Variants in COL4A3 observed in about 807,000 individuals in gnomAD.
COL4A3 encodes collagen alpha-3(IV) chain.
COL4A3 carries 135 observed loss-of-function variants against 217.4 expected under a neutral mutation model. The observed-to-expected ratio is 0.62, with a 90% CI of 0.54 to 0.72. The LOEUF is 0.72. Ranked by LOEUF, COL4A3 falls within the 30% of genes least tolerant of loss-of-function variation. COL4A3 has a pLI of 0.00. For missense variants in COL4A3, 1,868 were observed against 2,119.9 expected (o/e 0.88, Z 2.33); for synonymous variants, 690 against 736.3 (o/e 0.94, Z 1.02).
chr2:227,302,634 G>A (rs965073936), intron 43 of COL4A3, among the ~76,000 whole-genome samples: 3 of 128,392 alleles, frequency 2.3e-5, no homozygotes, highest in African/African-American at 6.2e-5. Flanking sequence ...CCAAGATCAT[G>A]CCACTGCACT....
chr2:227,276,536 T>C, intron 27 of COL4A3, 59 bp downstream of exon 27: 1 of 1,288,032 alleles, frequency 7.8e-7, no homozygotes, highest in Non-Finnish European at 1.1e-6. Context: ...ACCCTGACTC[T>C]CTTGGAAAAA....
At chr2:227,234,845 C>T (rs1455597668) in intron 1 of COL4A3, among the ~76,000 whole-genome samples, 3 of 152,224 alleles carry the variant, frequency 2.0e-5, no homozygotes, top group Non-Finnish European at 4.4e-5. Context: ...AAGGCCCCCA[C>T]ACCTTCTCAC....
rs940184066 is a variant in COL4A3, at chr2:227,250,814, G to A, written c.547-326G>A. 1.3e-5 allele frequency among the ~76,000 whole-genome samples: 2 copies of A among 152,100 alleles called. No homozygotes were observed. Among genetic ancestry groups the A allele is most frequent in the African/African-American group, 2.4e-5 (1 of 41,422 alleles). ...GGGAGAGCAGGTGGCAGGCCCTAAC[G>A]TAGGAGCATGCTTGGCCAAAATGAG... On this transcript the variant is annotated intron_variant, in intron 9 of 51. Coordinates refer to ENST00000396578, the MANE Select transcript of COL4A3 (RefSeq NM_000091.5). The surrounding 1 kb of genome is among the most constrained non-coding windows in gnomAD (Gnocchi z 4.1).
At chr2:227,263,398 A>C (rs1424650759) in intron 20 of COL4A3, among the ~76,000 whole-genome samples, 1 of 152,238 alleles carries the variant, frequency 6.6e-6, no homozygotes, top group Non-Finnish European at 1.5e-5. Flanking sequence ...AGTCCACTTA[A>C]CAACTTTCTC....
intron 1 of COL4A3, among the ~76,000 whole-genome samples, chr2:227,205,776 A>T (rs2067078917): frequency 6.6e-6 from 1 of 151,204 alleles, no homozygotes; most frequent in Admixed American, 6.6e-5. Flanking sequence ...TTTAAATATT[A>T]TTAAGACAGT....
chr2:227,200,787 G>A (rs2066654905), intron 1 of COL4A3, among the ~76,000 whole-genome samples: 1 of 152,124 alleles, frequency 6.6e-6, no homozygotes, highest in Non-Finnish European at 1.5e-5. Context: ...TTACATTAAA[G>A]TTTATGGCTT....
In COL4A3 at chr2:227,282,298, A is replaced by G. The variant is rs1011341355; in HGVS notation, c.2489-67A>G. The G allele has an allele frequency of 9.8e-6, 7 of 717,862 alleles. No individual in the cohort carries two copies. The highest frequency in any genetic ancestry group is 2.0e-5 in the African/African-American group (1 of 49,914). 44.5% of individuals were successfully genotyped at this position (717,862 alleles called of 1,614,324 possible). ...AAAATATATATATATATATATATAT[A>G]TATTTCTGAAGTTAGTAGGGGAAAG... On this transcript the variant is annotated intron_variant, in intron 31 of 51. Coordinates refer to ENST00000396578, the MANE Select transcript of COL4A3 (RefSeq NM_000091.5). This position sits in a 1 kb window ranked among gnomAD's most constrained non-coding sequence, Gnocchi z 4.4.
chr2:227,175,396 G>C (rs1004677777), intron 1 of COL4A3, among the ~76,000 whole-genome samples: 1 of 152,106 alleles, frequency 6.6e-6, no homozygotes, highest in Non-Finnish European at 1.5e-5. Flanking sequence ...GCTTGAACCT[G>C]GGAGGCAAAA....
chr2:227,204,605 C>T (rs1295427168), intron 1 of COL4A3, among the ~76,000 whole-genome samples: 1 of 152,184 alleles, frequency 6.6e-6, no homozygotes, highest in Non-Finnish European at 1.5e-5. Flanking sequence ...CATTTTCCTT[C>T]TGAATGCCTC....
At chr2:227,295,126 G>A in intron 40 of COL4A3, 64 bp downstream of exon 40, 2 of 1,535,270 alleles carry the variant, frequency 1.3e-6, no homozygotes, top group Non-Finnish European at 9.0e-7. Context: ...TAGTAACAGT[G>A]TAATCCTTTG....
chr2:227,270,104 T>C, intron 24 of COL4A3, 124 bp downstream of exon 24: 1 of 713,362 alleles, frequency 1.4e-6, no homozygotes, highest in Admixed American at 2.0e-5. Flanking sequence ...AGATACCTGT[T>C]GATTAAATGA....
At chr2:227,171,677 C>T (rs1003329804) in intron 1 of COL4A3, among the ~76,000 whole-genome samples, 12 of 152,070 alleles carry the variant, frequency 7.9e-5, no homozygotes, top group Admixed American at 7.9e-4. Context: ...GTGGTGAATC[C>T]GTGTGGGTCT....
intron 1 of COL4A3, among the ~76,000 whole-genome samples, chr2:227,229,393 A>T (rs1262300296): frequency 6.6e-6 from 1 of 152,246 alleles, no homozygotes; most frequent in Non-Finnish European, 1.5e-5. Flanking sequence ...GTGTACTCTA[A>T]TAATACTATT....
intron 1 of COL4A3, among the ~76,000 whole-genome samples, chr2:227,220,382 C>T (rs1024481640): frequency 6.6e-6 from 1 of 151,858 alleles, no homozygotes; most frequent in African/African-American, 2.4e-5. Context: ...CGGGTTTCTC[C>T]ATGTTGGCCA....
chr2:227,212,530 T>C (rs1030456208), intron 1 of COL4A3, among the ~76,000 whole-genome samples: 1 of 152,240 alleles, frequency 6.6e-6, no homozygotes, highest in African/African-American at 2.4e-5. Context: ...TCCCCAGGAA[T>C]CTGTAGTGCC....
At chr2:227,212,607 T>C (rs1305261252) in intron 1 of COL4A3, among the ~76,000 whole-genome samples, 1 of 152,234 alleles carries the variant, frequency 6.6e-6, no homozygotes, top group South Asian at 2.1e-4. Context: ...GCTGTTCCAT[T>C]GGTACATTTG....
chr2:227,203,982 A>G (rs866419269), intron 1 of COL4A3, among the ~76,000 whole-genome samples: 2 of 152,118 alleles, frequency 1.3e-5, no homozygotes, highest in African/African-American at 2.4e-5. Flanking sequence ...ATAAATATTC[A>G]TTGACTAACA....
chr2:227,251,447 A>G, intron 11 of COL4A3, 76 bp downstream of exon 11: 1 of 1,404,698 alleles, frequency 7.1e-7, no homozygotes, highest in Non-Finnish European at 1.0e-6. Context: ...CTGCTTCTTC[A>G]TGTGGGTCAC....
intron 1 of COL4A3, among the ~76,000 whole-genome samples, chr2:227,206,014 G>C (rs1325488515): frequency 6.6e-6 from 1 of 152,122 alleles, no homozygotes; most frequent in East Asian, 1.9e-4. Context: ...CTGATGACTG[G>C]GGTTTTGATT....
Sources: gnomAD v4.1 joint callset for allele counts (sites outside exome capture counted in the v4.1 genomes callset) on GRCh38, gnomAD v4.1.1 for gene constraint, Gnocchi (gnomAD v3.1) non-coding constraint, MANE v1.5 for transcripts, NCBI Gene and HGNC (gene_info 2026-07-23, HGNC 2026-07-21) for gene names.